The following PHC1 variants were observed in gnomAD, a reference collection of about 807,000 sequenced individuals.
PHC1 encodes the protein polyhomeotic homolog 1.
PHC1 carries 12 observed loss-of-function variants against 104.3 expected under a neutral mutation model. The observed-to-expected ratio is 0.12, with a 90% CI of 0.07 to 0.19. The LOEUF is 0.19. PHC1 is among the 10% of genes least tolerant of loss of function. The probability of loss-of-function intolerance (pLI) is 1.00; values close to 1 mark genes in which losing one functional copy is unlikely to be tolerated. For synonymous variants in PHC1, 302 were observed against 455.8 expected, an observed-to-expected ratio of 0.66 and a Z score of 4.30; for missense variants, 671 against 1,200.0, an observed-to-expected ratio of 0.56 and a Z score of 6.51.
At chr12:8,923,656 G>A (rs368548344) in intron 6 of PHC1, among the ~76,000 whole-genome samples, 3 of 151,690 alleles carry the variant, frequency 2.0e-5, no homozygotes, top group Non-Finnish European at 2.9e-5. Context: ...GTGAAACCCC[G>A]TCTCTACTAA....
upstream of PHC1, chr12:8,913,986 CTCTCAT>C (rs1945120397): frequency 2.0e-5 from 3 of 152,740 alleles, no homozygotes; most frequent in East Asian, 5.8e-4. Context: ...TCTCTCCTTT[CTCTCAT>C]TCTCAAAGTT....
intron 8 of PHC1, 176 bp downstream of exon 8, chr12:8,933,526 C>A: frequency 1.1e-6 from 1 of 906,026 alleles, no homozygotes; most frequent in Non-Finnish European, 1.6e-6. Flanking sequence ...CTTTATACTC[C>A]TAAATTTGTT....
rs1945861751 is a variant in PHC1, at chr12:8,937,187, G to A, written c.2489G>A (p.Ser830Asn). The part of the protein sequence containing the change: ...SMTCAKRYNV[S>N]CSHQFRLKRK... Reference sequence around the variant, plus strand: ...GCCCTGTCCTGTAGGTACAATGTGAGCTGTAGCCATCAGTTCCGGCTGAAG... The same window carrying A: ...GCCCTGTCCTGTAGGTACAATGTGAACTGTAGCCATCAGTTCCGGCTGAAG... Residue 830 changes from serine (S) to asparagine (N), a missense_variant, in exon 13 of 15, where the codon AGC becomes AAC. Ser to Asn is a conservative substitution (Grantham distance 46). Coordinates refer to ENST00000544916, the MANE Select transcript of PHC1 (RefSeq NM_004426.3). 1.2e-6 allele frequency: 2 copies of A among 1,611,706 alleles called. No homozygotes were observed. The highest frequency in any genetic ancestry group is 1.7e-6 in the Non-Finnish European group (2 of 1,178,800).
Position 8,933,321 on chromosome 12 carries a change from G to A in PHC1, c.1864G>A (p.Ala622Thr). 2 of 1,529,110 alleles carry A rather than the reference G, an allele frequency of 1.3e-6. No individual in the cohort carries two copies. Among genetic ancestry groups the A allele is most frequent in the Non-Finnish European group, 1.8e-6 (2 of 1,131,138 alleles). 94.7% of individuals were successfully genotyped at this position (1,529,110 alleles called of 1,614,324 possible). The stretch of plus-strand genomic sequence containing the variant: ...ACCTGTTGTAGCCCAGGTCCCTGCT[G>A]CCTTCTATATGCAGTCTGTGCACTT... ...SSPVVAQVPA[A>T]FYMQSVHLPG... Residue 622 changes from alanine (A) to threonine (T), a missense_variant, in exon 8 of 15, where the codon GCC becomes ACC. Ala to Thr is a moderately conservative substitution (Grantham distance 58). Coordinates refer to ENST00000544916, the MANE Select transcript of PHC1 (RefSeq NM_004426.3).
In PHC1 at chr12:8,922,833, G is replaced by GA; in HGVS notation, c.612+47dup. On this transcript the variant is annotated intron_variant, in intron 6 of 14. Transcript: ENST00000544916. The stretch of plus-strand genomic sequence containing the variant: ...CCTGTGGGTGGGCACTGGGCAGGAT[G>GA]AAGGGAATGACCACGGACCTGGGTC... 1.9e-6 allele frequency: 3 copies of GA among 1,571,778 alleles called. No individual in the cohort carries two copies. The South Asian group carries it at 3.4e-5, about 18-fold the overall frequency.
chr12:8,923,691 G>T (rs978753378), intron 6 of PHC1, among the ~76,000 whole-genome samples: 1 of 151,926 alleles, frequency 6.6e-6, no homozygotes, highest in Non-Finnish European at 1.5e-5. Flanking sequence ...TTAGCCAGGC[G>T]TGGTGGTGGG....
At chr12:8,922,582 C>G in intron 5 of PHC1, 51 bp from the exon 6 acceptor site, 5 of 1,484,912 alleles carry the variant, frequency 3.4e-6, no homozygotes, top group Non-Finnish European at 3.7e-6. Flanking sequence ...TCTCTTCTGT[C>G]TCTTCTTTCC....
intron 4 of PHC1, 148 bp from the exon 5 acceptor site, chr12:8,921,453 T>G: frequency 1.3e-6 from 1 of 750,268 alleles, no homozygotes; most frequent in East Asian, 2.8e-5. Context: ...GATGACAGTT[T>G]TGGATATGAA....
rs147399987 is a variant in PHC1 at position 8,920,721 on chromosome 12, T to A, written c.226-264T>A. On this transcript the variant is annotated intron_variant, in intron 3 of 14. Transcript: ENST00000544916. ...AGACTCCTTCTCAAAAAAAATACCA[T>A]CTTTTTCCACCTAAAAGAGAGTGGG... 8.7e-4 allele frequency among the ~76,000 whole-genome samples: 133 copies of A among 152,068 alleles called. 1 individual carries two copies. Among genetic ancestry groups the A allele is most frequent in the African/African-American group, 3.0e-3 (123 of 41,502 alleles).
intron 14 of PHC1, among the ~76,000 whole-genome samples, chr12:8,938,969 G>C (rs1336066889): frequency 6.6e-6 from 1 of 152,116 alleles, no homozygotes; most frequent in Non-Finnish European, 1.5e-5. Context: ...GGGACTATAG[G>C]CATGCATCAC....
intron 13 of PHC1, among the ~76,000 whole-genome samples, chr12:8,937,624 T>A (rs748875361): frequency 6.6e-6 from 1 of 152,224 alleles, no homozygotes; most frequent in African/African-American, 2.4e-5. Context: ...AATTGTTAGG[T>A]CATGGGGAGA....
At chr12:8,937,088 C>G in intron 12 of PHC1, 88 bp from the exon 13 acceptor site, 1 of 1,487,272 alleles carries the variant, frequency 6.7e-7, no homozygotes, top group Non-Finnish European at 9.3e-7. Context: ...TTCCCTTCCC[C>G]AAATCAGCTC....
intron 11 of PHC1, among the ~76,000 whole-genome samples, chr12:8,935,609 A>T (rs1263650172): frequency 2.6e-5 from 4 of 152,114 alleles, no homozygotes; most frequent in Admixed American, 2.6e-4. Flanking sequence ...CCTGGGCGAC[A>T]GAGCGAGACT....
chr12:8,914,459 G>GGGC (rs1555124305), upstream of PHC1: 7 of 145,028 alleles, frequency 4.8e-5, no homozygotes, highest in South Asian at 4.3e-4. Context: ...AGGGACGGCG[G>GGGC]GGGGGGGGTC....
In PHC1 at chr12:8,922,838, G is replaced by T. The variant is rs949979632; in HGVS notation, c.612+50G>T. ...GGGTGGGCACTGGGCAGGATGAAGG[G>T]AATGACCACGGACCTGGGTCCACCC... is the stretch of plus-strand genomic sequence containing the variant. On this transcript the variant is annotated intron_variant, in intron 6 of 14. Coordinates refer to ENST00000544916, the MANE Select transcript of PHC1 (RefSeq NM_004426.3). 5 of 1,542,492 alleles carry T rather than the reference G, an allele frequency of 3.2e-6. No homozygotes were observed. The highest frequency in any genetic ancestry group is 4.4e-6 in the Non-Finnish European group (5 of 1,126,670).
In PHC1 at chr12:8,934,325, C is replaced by G. The variant is rs1440428959; in HGVS notation, c.2100C>G (p.Ala700=). The change falls in exon 10 of 15, where the codon GCC becomes GCG. Residue 700 remains alanine, a synonymous_variant. Transcript: ENST00000544916. ...NANTPSSELV[A]LTPAPSVPPP... is the part of the protein sequence containing the mutation. ...ATACTCCAAGCAGTGAACTAGTAGC[C>G]TTGACCCCCGCCCCTTCAGTACCGC... 6.2e-7 allele frequency: 1 copy of G among 1,614,104 alleles called. No homozygotes were observed. Among genetic ancestry groups the G allele is most frequent in the Non-Finnish European group, 8.5e-7 (1 of 1,180,000 alleles).
chr12:8,928,165 C>T (rs946834760), intron 6 of PHC1, among the ~76,000 whole-genome samples: 1 of 152,054 alleles, frequency 6.6e-6, no homozygotes, highest in Non-Finnish European at 1.5e-5. Flanking sequence ...ACCTTGGTCT[C>T]CCAAAGTGCT....
intron 10 of PHC1, 72 bp downstream of exon 10, chr12:8,934,550 T>C: frequency 8.9e-6 from 9 of 1,015,632 alleles, no homozygotes; most frequent in South Asian, 3.1e-5. Flanking sequence ...CAAACTCCAG[T>C]AAAAGTAAAA....
intron 6 of PHC1, among the ~76,000 whole-genome samples, chr12:8,929,758 A>G (rs1945629464): frequency 6.6e-6 from 1 of 152,080 alleles, no homozygotes; most frequent in Non-Finnish European, 1.5e-5. Context: ...GAACTCAAGC[A>G]GTCTGTCCGT....
Sources: gnomAD v4.1 joint callset for allele counts (sites outside exome capture counted in the v4.1 genomes callset) on GRCh38, gnomAD v4.1.1 for gene constraint, MANE v1.5 for transcripts, NCBI Gene and HGNC (gene_info 2026-07-23, HGNC 2026-07-21) for gene names.